The following PACSIN1 variants were observed in gnomAD, a reference collection of about 807,000 sequenced individuals.
The protein encoded by PACSIN1 is protein kinase C and casein kinase substrate in neurons protein 1.
PACSIN1 carries 15 observed loss-of-function variants against 59.5 expected under a neutral mutation model. The ratio of observed to expected loss-of-function variants is 0.25; its 90% CI spans 0.17 to 0.39. The LOEUF is 0.39. Ranked by LOEUF, PACSIN1 falls within the 10% of genes least tolerant of loss-of-function variation. The probability of loss-of-function intolerance (pLI) is 1.00; values close to 1 mark genes in which losing one functional copy is unlikely to be tolerated. For missense variants in PACSIN1, 420 were observed against 580.2 expected (o/e 0.72, Z 2.84); for synonymous variants, 210 against 220.6 (o/e 0.95, Z 0.42).
At chr6:34,496,766 T>C (rs2127255780) in intron 1 of PACSIN1, among the ~76,000 whole-genome samples, 1 of 152,308 alleles carries the variant, frequency 6.6e-6, no homozygotes, top group Admixed American at 6.5e-5. Context: ...CTCCAGCCTG[T>C]GGTCCCCAAG....
At chr6:34,519,672 C>G (rs982082470) in intron 1 of PACSIN1, among the ~76,000 whole-genome samples, 1 of 152,152 alleles carries the variant, frequency 6.6e-6, no homozygotes. Context: ...GCACTGGGCA[C>G]TCATTTCCTC....
At chr6:34,492,195 C>CTTTTTTTTT (rs55745060) in intron 1 of PACSIN1, among the ~76,000 whole-genome samples, 2 of 80,180 alleles carry the variant, frequency 2.5e-5, no homozygotes, top group African/African-American at 4.7e-5. Flanking sequence ...CTTTTTTGAC[C>CTTTTTTTTT]TTTTTTTTTT....
In PACSIN1 at chr6:34,514,493, G is replaced by T. The variant is rs1767253944; in HGVS notation, c.-63-11750G>T. Among the ~76,000 whole-genome samples the T allele has an allele frequency of 6.6e-6, 1 of 152,170 alleles. No individual in the cohort carries two copies. Among genetic ancestry groups the T allele is most frequent in the Non-Finnish European group, 1.5e-5 (1 of 68,038 alleles). On this transcript the variant is annotated intron_variant, in intron 1 of 9. Coordinates refer to ENST00000244458, the MANE Select transcript of PACSIN1 (RefSeq NM_020804.5). This position sits in a 1 kb window ranked among gnomAD's most constrained non-coding sequence, Gnocchi z 4.4. Reference sequence around the variant, plus strand: ...TAAACAAATAGAAATGCTTCACCCAGCAGCAAGCGCTTAGATTTTAAGGAC... The same window carrying T: ...TAAACAAATAGAAATGCTTCACCCATCAGCAAGCGCTTAGATTTTAAGGAC...
intron 1 of PACSIN1, among the ~76,000 whole-genome samples, chr6:34,524,894 C>A (rs1767456671): frequency 6.6e-6 from 1 of 152,178 alleles, no homozygotes; most frequent in Non-Finnish European, 1.5e-5. Context: ...TCCTGCCCGC[C>A]CCCCAGCAGC....
intron 1 of PACSIN1, among the ~76,000 whole-genome samples, chr6:34,492,195 CTTTTTTTTTTTTTT>C (rs55745060): frequency 1.2e-5 from 1 of 80,176 alleles, no homozygotes; most frequent in South Asian, 5.0e-4. Flanking sequence ...CTTTTTTGAC[CTTTTTTTTTTTTTT>C]TTTTTTTTTT....
intron 1 of PACSIN1, among the ~76,000 whole-genome samples, chr6:34,484,032 G>A (rs573168863): frequency 7.9e-5 from 12 of 152,268 alleles, no homozygotes; most frequent in African/African-American, 2.9e-4. Flanking sequence ...CAGGAGGTGG[G>A]AGGTGGCACC....
chr6:34,505,384 G>T (rs1277858557), intron 1 of PACSIN1, among the ~76,000 whole-genome samples: 1 of 152,024 alleles, frequency 6.6e-6, no homozygotes, highest in African/African-American at 2.4e-5. Context: ...CTTTTGCCAA[G>T]TTCAGGATTG....
intron 1 of PACSIN1, among the ~76,000 whole-genome samples, chr6:34,475,520 G>GGGTT (rs1766626996): frequency 6.6e-6 from 1 of 152,200 alleles, no homozygotes; most frequent in Non-Finnish European, 1.5e-5. Flanking sequence ...CAGTCTCCCA[G>GGGTT]GGTTACCTTC....
At chr6:34,504,246 ATGTGTGTGTG>A (rs372732742) in intron 1 of PACSIN1, among the ~76,000 whole-genome samples, 3 of 107,824 alleles carry the variant, frequency 2.8e-5, no homozygotes, top group East Asian at 5.6e-4. Flanking sequence ...AGACAATGTT[ATGTGTGTGTG>A]TGTGTGTGTG....
Position 34,516,737 on chromosome 6 carries a change from C to T in PACSIN1, c.-63-9506C>T, listed in dbSNP as rs779668115. Among the ~76,000 whole-genome samples, 7 of 152,192 alleles carry T rather than the reference C, an allele frequency of 4.6e-5. No homozygotes were observed. The highest frequency in any genetic ancestry group is 2.1e-4 in the South Asian group (1 of 4,834). ...CAGGTTGCTGCTTCACAGGTTGGCT[C>T]GGGGCTGCCAGGATGGGCTTCTGGG... On this transcript the variant is annotated intron_variant, in intron 1 of 9. Coordinates refer to ENST00000244458, the MANE Select transcript of PACSIN1 (RefSeq NM_020804.5). This position sits in a 1 kb window ranked among gnomAD's most constrained non-coding sequence, Gnocchi z 5.4.
In PACSIN1 at chr6:34,497,659, C is replaced by T. The variant is rs574116041; in HGVS notation, c.-63-28584C>T. Among the ~76,000 whole-genome samples, 6 of 152,266 alleles carry T rather than the reference C, an allele frequency of 3.9e-5. No individual in the cohort carries two copies. In the South Asian group the frequency reaches 6.2e-4, roughly 16 times the overall value. On this transcript the variant is annotated intron_variant, in intron 1 of 9. Transcript: ENST00000244458. ...CACTGTCCATCACTCTGTTGCCATC[C>T]GACTCTGTGGTCTCTCTCGATCCCT...
At chr6:34,498,764 C>T (rs4713801) in intron 1 of PACSIN1, among the ~76,000 whole-genome samples, 67,073 of 147,220 alleles carry the variant, frequency 0.46, 16,505 homozygotes, top group Middle Eastern at 0.6. Flanking sequence ...ACCACTGCAC[C>T]CCAGCCTAGG....
rs950546353 is a variant in PACSIN1, at chr6:34,490,549, G to C, written c.-64+24279G>C. On this transcript the variant is annotated intron_variant, in intron 1 of 9. Coordinates refer to ENST00000244458, the MANE Select transcript of PACSIN1 (RefSeq NM_020804.5). ...TCCTGAGCCTGCCCTTCTGATGACC[G>C]AGCGCCGCCACCTGGCCTCTTCCTT... Among the ~76,000 whole-genome samples the C allele has an allele frequency of 5.3e-5, 8 of 152,100 alleles. No individual in the cohort carries two copies. In the East Asian group the frequency reaches 1.4e-3, roughly 26 times the overall value.
chr6:34,489,966 G>T (rs2127251939), intron 1 of PACSIN1, among the ~76,000 whole-genome samples: 1 of 152,314 alleles, frequency 6.6e-6, no homozygotes, highest in Non-Finnish European at 1.5e-5. Context: ...CCTTCAGTCA[G>T]TTGGATCTGA....
chr6:34,531,473 C>T lies in PACSIN1; in HGVS notation c.1038-127C>T. 3 of 893,156 alleles carry T rather than the reference C, an allele frequency of 3.4e-6. No homozygotes were observed. The highest frequency in any genetic ancestry group is 1.8e-6 in the Non-Finnish European group (1 of 566,604). 55.3% of individuals were successfully genotyped at this position (893,156 alleles called of 1,614,324 possible). ...AAAGAGCTCATGAGGGTCACCCCTCCTATGTGGCCAATCCTTGCTCTAGCC... is the reference window on the plus strand; with the variant it reads ...AAAGAGCTCATGAGGGTCACCCCTCTTATGTGGCCAATCCTTGCTCTAGCC... On this transcript the variant is annotated intron_variant, in intron 8 of 9. Coordinates refer to ENST00000244458, the MANE Select transcript of PACSIN1 (RefSeq NM_020804.5). The surrounding 1 kb of genome is among the most constrained non-coding windows in gnomAD (Gnocchi z 4.4).
In PACSIN1 at chr6:34,528,781, C is replaced by T. The variant is rs1561971155; in HGVS notation, c.360C>T (p.Ala120=). Residue 120 remains alanine (A), a synonymous_variant, in exon 4 of 10, where the codon GCC becomes GCT. Coordinates refer to ENST00000244458, the MANE Select transcript of PACSIN1 (RefSeq NM_020804.5). ...LEKVKNWQKD[A]YHKQIMGGFK... ...AGGTGAAGAACTGGCAGAAGGACGC[C>T]TATCACAAGCAGATCATGGGTGGCT... 2 of 1,613,910 alleles carry T rather than the reference C, an allele frequency of 1.2e-6. No individual in the cohort carries two copies. The highest frequency in any genetic ancestry group is 1.7e-5 in the Admixed American group (1 of 59,992).
intron 1 of PACSIN1, among the ~76,000 whole-genome samples, chr6:34,477,708 T>C (rs1040739248): frequency 5.9e-5 from 9 of 152,250 alleles, no homozygotes; most frequent in East Asian, 1.9e-4. Context: ...ACATGGTGCA[T>C]ACTGGAGGAT....
intron 1 of PACSIN1, among the ~76,000 whole-genome samples, chr6:34,473,121 G>A (rs528005448): frequency 1.3e-5 from 2 of 151,384 alleles, no homozygotes; most frequent in South Asian, 4.2e-4. Context: ...ATAATCTCTT[G>A]TCTCAGAGAC....
intron 1 of PACSIN1, among the ~76,000 whole-genome samples, chr6:34,487,506 A>C (rs1486438242): frequency 1.3e-5 from 2 of 152,042 alleles, no homozygotes; most frequent in Non-Finnish European, 2.9e-5. Context: ...AAATACTCTG[A>C]GCTGAAGGTT....
Sources: allele counts gnomAD v4.1 joint callset (sites outside exome capture counted in the v4.1 genomes callset), GRCh38; gene constraint gnomAD v4.1.1; non-coding constraint Gnocchi (gnomAD v3.1); transcripts MANE v1.5; gene names NCBI Gene and HGNC (gene_info 2026-07-23, HGNC 2026-07-21).